The following SATL1 variants were observed in gnomAD, a reference collection of about 807,000 sequenced individuals.
The protein encoded by SATL1 is spermidine/spermine N(1)-acetyltransferase-like protein 1.
Under a neutral mutation model 51.8 loss-of-function variants are expected in SATL1, and 47 were observed. The observed-to-expected ratio is 0.91, with a 90% CI of 0.72 to 1.16. SATL1 has a LOEUF of 1.16. Among genes scored for constraint, SATL1 ranks in the 50% most tolerant of loss-of-function variants. The probability of loss-of-function intolerance (pLI) is 0.00; values close to 1 mark genes in which losing one functional copy is unlikely to be tolerated. For missense variants in SATL1, 520 were observed against 526.4 expected (o/e 0.99, Z 0.12); for synonymous variants, 176 against 182.4 (o/e 0.97, Z 0.28).
At chrX:85,098,131 TG>T (rs1298909447) in intron 4 of SATL1, among the ~76,000 whole-genome samples, 1 of 111,738 alleles carries the variant, frequency 8.9e-6, no homozygotes, top group Non-Finnish European at 1.9e-5. Flanking sequence ...AATGAAATGA[TG>T]GAAAAAGGTA....
At chrX:85,148,412 C>A (rs1196089243) in intron 2 of SATL1, among the ~76,000 whole-genome samples, 1 of 110,020 alleles carries the variant, frequency 9.1e-6, no homozygotes, top group Non-Finnish European at 1.9e-5. Context: ...TCCAGGAGAA[C>A]TTCCCCAATC....
intron 2 of SATL1, among the ~76,000 whole-genome samples, chrX:85,222,143 A>AGCCT (rs746691328): frequency 1.3e-3 from 148 of 112,038 alleles, no homozygotes; most frequent in African/African-American, 4.5e-3. Context: ...CTCTGTAGTG[A>AGCCT]GCCTGCTGCA....
At chrX:85,225,612 G>T (rs1928262754) in intron 1 of SATL1, among the ~76,000 whole-genome samples, 1 of 112,071 alleles carries the variant, frequency 8.9e-6, no homozygotes, top group African/African-American at 3.2e-5. Context: ...GGATAGATGG[G>T]GGATGGATGG....
At chrX:85,190,298 T>A (rs1386757580) in intron 2 of SATL1, among the ~76,000 whole-genome samples, 1 of 112,183 alleles carries the variant, frequency 8.9e-6, no homozygotes, top group African/African-American at 3.2e-5. Flanking sequence ...AAGTCAATCA[T>A]CTGACATAAA....
rs771411934 is a variant in SATL1 at position 85,108,398 on chromosome X, G to A, written c.571C>T (p.Pro191Ser). 8.3e-7 allele frequency: 1 copy of A among 1,211,431 alleles called. No individual in the cohort carries two copies. Among genetic ancestry groups the A allele is most frequent in the Non-Finnish European group, 1.1e-6 (1 of 895,421 alleles). ...PVLRQPNMSP[P>S]GMWQPGVQQP... The stretch of plus-strand genomic sequence containing the variant: ...TGCACGCCTGGTTGCCACATGCCTG[G>A]TGGACTCATGTTTGGTTGCCTCAGG... Residue 191 changes from proline to serine, a missense_variant, in exon 3 of 8, where the codon CCA becomes TCA. Pro to Ser is a moderately conservative substitution (Grantham distance 74). Coordinates refer to ENST00000644105, the MANE Select transcript of SATL1 (RefSeq NM_001367857.2).
At chrX:85,142,458 G>C (rs1027480191) in intron 2 of SATL1, among the ~76,000 whole-genome samples, 1 of 109,500 alleles carries the variant, frequency 9.1e-6, no homozygotes, top group Non-Finnish European at 1.9e-5. Flanking sequence ...ACCAGGTCAA[G>C]GTAAGCTGGG....
chrX:85,241,009 T>A (rs749871039), intron 1 of SATL1, among the ~76,000 whole-genome samples: 33 of 110,743 alleles, frequency 3.0e-4, no homozygotes, highest in African/African-American at 8.9e-4. Flanking sequence ...TGTTTTTTTT[T>A]ATCTCAAACT....
At chrX:85,238,099 A>G in intron 1 of SATL1, among the ~76,000 whole-genome samples, 1 of 111,757 alleles carries the variant, frequency 8.9e-6, no homozygotes, top group East Asian at 2.8e-4. Context: ...GAACTCTTGT[A>G]CACTGTTGGT....
Position 85,103,454 on chromosome X carries a change from A to G in SATL1, c.1693+410T>C, listed in dbSNP as rs928006068. Among the ~76,000 whole-genome samples the G allele has an allele frequency of 6.2e-5, 7 of 112,046 alleles. No homozygotes were observed. In the East Asian group the frequency reaches 1.7e-3, roughly 27 times the overall value. ...CATATTTACTGCCTAAAATGTTCCA[A>G]TTCAGAAATCACTAGCCTATCCTAT... On this transcript the variant is annotated intron_variant, in intron 4 of 7. Coordinates refer to ENST00000644105, the MANE Select transcript of SATL1 (RefSeq NM_001367857.2).
At position 85,145,049 on chromosome X, in the gene SATL1, A is replaced by G. The variant is rs998594703; in HGVS notation, c.-312-35769T>C. Among the ~76,000 whole-genome samples the G allele has an allele frequency of 6.3e-5, 7 of 110,517 alleles. No individual in the cohort carries two copies. The East Asian group carries it at 8.5e-4, about 13-fold the overall frequency. ...AGGCCCTGTCTCAAAAAAAAATAAA[A>G]TAAATAAAATAAAATAAAAAAGAGA... is the stretch of plus-strand genomic sequence containing the variant. On this transcript the variant is annotated intron_variant, in intron 2 of 7. Transcript: ENST00000644105.
At chrX:85,197,224 A>T (rs1263849712) in intron 2 of SATL1, among the ~76,000 whole-genome samples, 1 of 111,528 alleles carries the variant, frequency 9.0e-6, no homozygotes, top group Non-Finnish European at 1.9e-5. Context: ...TTTTAATTTT[A>T]ATTTTTAATT....
At chrX:85,148,007 C>T (rs1926306175) in intron 2 of SATL1, among the ~76,000 whole-genome samples, 1 of 111,933 alleles carries the variant, frequency 8.9e-6, no homozygotes, top group Admixed American at 9.5e-5. Context: ...AAGAAGGCTT[C>T]AGACGATCAA....
chrX:85,138,324 T>G (rs1926015436), intron 2 of SATL1, among the ~76,000 whole-genome samples: 1 of 105,891 alleles, frequency 9.4e-6, no homozygotes, highest in South Asian at 4.3e-4. Context: ...TTTTCCCTAG[T>G]GACCTTGGTT....
intron 2 of SATL1, among the ~76,000 whole-genome samples, chrX:85,144,765 G>T (rs1926189736): frequency 8.9e-6 from 1 of 111,790 alleles, no homozygotes; most frequent in Non-Finnish European, 1.9e-5. Context: ...AGTGGCATAT[G>T]CCTGTAATCC....
chrX:85,218,798 T>C lies in SATL1; in HGVS notation c.-313+5407A>G, dbSNP rs182100908. On this transcript the variant is annotated intron_variant, in intron 2 of 7. Transcript: ENST00000644105. ...GTAATGTTTGCTTTTTACTTTAGTA[T>C]GGAAACTGGATTGCCCAATATCTAA... is the stretch of plus-strand genomic sequence containing the variant. Among the ~76,000 whole-genome samples the C allele has an allele frequency of 2.7e-5, 3 of 111,981 alleles. No homozygotes were observed. The East Asian group carries it at 8.4e-4, about 31-fold the overall frequency.
chrX:85,167,254 G>GT (rs756842119), intron 2 of SATL1, among the ~76,000 whole-genome samples: 1 of 104,042 alleles, frequency 9.6e-6, no homozygotes, highest in African/African-American at 3.5e-5. Context: ...AGAGAGATGG[G>GT]GGGGGGGTTG....
At chrX:85,235,476 A>G (rs915616303) in intron 1 of SATL1, among the ~76,000 whole-genome samples, 4 of 110,986 alleles carry the variant, frequency 3.6e-5, no homozygotes, top group African/African-American at 1.3e-4. Flanking sequence ...AAAAAAAATT[A>G]TATCAAGTAT....
chrX:85,104,971 T>C (rs1925001217), intron 3 of SATL1, among the ~76,000 whole-genome samples: 1 of 111,364 alleles, frequency 9.0e-6, no homozygotes, highest in Non-Finnish European at 1.9e-5. Flanking sequence ...TTCTGGACTC[T>C]CCATTCTGTC....
intron 2 of SATL1, among the ~76,000 whole-genome samples, chrX:85,182,134 A>G (rs1602895006): frequency 9.0e-6 from 1 of 111,341 alleles, no homozygotes; most frequent in East Asian, 2.8e-4. Context: ...TTGAAACTAT[A>G]TATTGTTGTT....
Sources: gnomAD v4.1 joint callset for allele counts (sites outside exome capture counted in the v4.1 genomes callset) on GRCh38, gnomAD v4.1.1 for gene constraint, MANE v1.5 for transcripts, NCBI Gene and HGNC (gene_info 2026-07-23, HGNC 2026-07-21) for gene names.